Variants in FAM107B observed in about 807,000 individuals in gnomAD.
FAM107B encodes family with sequence similarity 107 member B.
A neutral mutation model predicts 31.5 loss-of-function variants in FAM107B; 21 were observed. The observed-to-expected ratio is 0.67, with a 90% CI of 0.47 to 0.96. The LOEUF is 0.96. FAM107B is among the 40% of genes least tolerant of loss of function. The pLI, the probability that FAM107B is intolerant of heterozygous loss-of-function variation, is 0.00. For synonymous variants in FAM107B, 157 were observed against 141.5 expected, an observed-to-expected ratio of 1.11 and a Z score of -0.78; for missense variants, 452 against 377.1, an observed-to-expected ratio of 1.20 and a Z score of -1.64.
chr10:14,603,367 G>A (rs1852467834), intron 2 of FAM107B, among the ~76,000 whole-genome samples: 1 of 152,136 alleles, frequency 6.6e-6, no homozygotes, highest in Non-Finnish European at 1.5e-5. Context: ...CCCTCATTCC[G>A]TTTTTCTTTG....
At chr10:14,740,403 G>A (rs1219383127) in intron 1 of FAM107B, among the ~76,000 whole-genome samples, 1 of 152,164 alleles carries the variant, frequency 6.6e-6, no homozygotes. Flanking sequence ...GTTGGAAAAC[G>A]CAAAACTATA....
In FAM107B at chr10:14,636,365, C is replaced by T. The variant is rs188613317; in HGVS notation, c.469+31269G>A. Among the ~76,000 whole-genome samples the T allele has an allele frequency of 9.2e-5, 14 of 151,574 alleles. No individual in the cohort carries two copies. In the East Asian group the frequency reaches 2.5e-3, roughly 27 times the overall value. ...AGAGAAATGTCTACTTCTATGTGCA[C>T]ATAAAACTAAATGTATACGTTCTGC... On this transcript the variant is annotated intron_variant, in intron 2 of 4. Transcript: ENST00000181796.
intron 2 of FAM107B, among the ~76,000 whole-genome samples, chr10:14,629,945 A>C (rs1431560991): frequency 1.3e-5 from 2 of 152,194 alleles, no homozygotes; most frequent in African/African-American, 4.8e-5. Flanking sequence ...AAATCACAAA[A>C]CTGCAAACAC....
rs767032571 is a variant in FAM107B, at chr10:14,555,558, T to G, written c.470-25043A>C. 2.0e-5 allele frequency among the ~76,000 whole-genome samples: 3 copies of G among 152,202 alleles called. No individual in the cohort carries two copies. In the South Asian group the frequency reaches 6.2e-4, roughly 31 times the overall value. ...TTTAAATAAGTTGTTCCCACGCCAT[T>G]AGCAAGAAATAAATTTTGTTTTCTC... On this transcript the variant is annotated intron_variant, in intron 2 of 4. Coordinates refer to ENST00000181796, the MANE Select transcript of FAM107B (RefSeq NM_031453.4).
At chr10:14,753,578 T>C (rs896640844) in intron 1 of FAM107B, among the ~76,000 whole-genome samples, 3 of 152,222 alleles carry the variant, frequency 2.0e-5, no homozygotes, top group African/African-American at 7.2e-5. Context: ...GCTCATCTTT[T>C]TCAGTTTTCC....
At chr10:14,546,680 T>C (rs1161735581) in intron 2 of FAM107B, among the ~76,000 whole-genome samples, 1 of 152,236 alleles carries the variant, frequency 6.6e-6, no homozygotes, top group Admixed American at 6.5e-5. Context: ...TCTAAGTCCC[T>C]ACTTCCCACT....
rs987543236 is a variant in FAM107B, at chr10:14,521,046, C to G, written c.*144G>C. 2 of 685,228 alleles carry G rather than the reference C, an allele frequency of 2.9e-6. No individual in the cohort carries two copies. The highest frequency in any genetic ancestry group is 1.8e-5 in the African/African-American group (1 of 55,178). 42.4% of individuals were successfully genotyped at this position (685,228 alleles called of 1,614,324 possible). On this transcript the variant is annotated 3_prime_UTR_variant, in exon 5 of 5. Coordinates refer to ENST00000181796, the MANE Select transcript of FAM107B (RefSeq NM_031453.4). ...TCACAGGCAAGGCATCCACCCAGAT[C>G]GTAGGAAAATCAAACCAAATCCTAC...
intron 1 of FAM107B, among the ~76,000 whole-genome samples, chr10:14,709,885 C>T (rs564048680): frequency 5.5e-4 from 84 of 152,002 alleles, no homozygotes; most frequent in African/African-American, 1.9e-3. Context: ...ACTATGGAGA[C>T]AGTAAAAAGA....
intron 2 of FAM107B, among the ~76,000 whole-genome samples, chr10:14,536,519 T>C (rs539931621): frequency 1.4e-3 from 206 of 152,288 alleles, no homozygotes; most frequent in African/African-American, 4.6e-3. Flanking sequence ...AAAGCCTCTC[T>C]CTCAGCACCC....
At chr10:14,603,182 G>A (rs1193204960) in intron 2 of FAM107B, among the ~76,000 whole-genome samples, 1 of 151,958 alleles carries the variant, frequency 6.6e-6, no homozygotes, top group African/African-American at 2.4e-5. Flanking sequence ...TTTTAAACCG[G>A]AAACCAGCAG....
chr10:14,711,479 G>A (rs767499287), intron 1 of FAM107B, among the ~76,000 whole-genome samples: 9 of 152,136 alleles, frequency 5.9e-5, no homozygotes, highest in Non-Finnish European at 1.2e-4. Context: ...ACAGTATCCA[G>A]TACAGTCACA....
intron 2 of FAM107B, among the ~76,000 whole-genome samples, chr10:14,605,014 G>T (rs1186859530): frequency 6.6e-6 from 1 of 152,000 alleles, no homozygotes; most frequent in South Asian, 2.1e-4. Context: ...CCGTCTCCCC[G>T]GCAAGTCTGC....
chr10:14,720,762 A>C (rs984031707), intron 1 of FAM107B, among the ~76,000 whole-genome samples: 1 of 152,210 alleles, frequency 6.6e-6, no homozygotes, highest in Middle Eastern at 3.2e-3. Context: ...AGGACCTAGA[A>C]TTCATTGAAA....
intron 1 of FAM107B, among the ~76,000 whole-genome samples, chr10:14,682,711 G>T (rs943121091): frequency 2.6e-5 from 4 of 151,974 alleles, no homozygotes; most frequent in Admixed American, 2.0e-4. Context: ...TGGACACAGG[G>T]AGGGGAACAT....
At chr10:14,603,194 G>T (rs1232767556) in intron 2 of FAM107B, among the ~76,000 whole-genome samples, 1 of 151,948 alleles carries the variant, frequency 6.6e-6, no homozygotes, top group Non-Finnish European at 1.5e-5. Flanking sequence ...AACCAGCAGC[G>T]CTAAGAAATC....
intron 2 of FAM107B, among the ~76,000 whole-genome samples, chr10:14,581,151 G>C (rs1851622382): frequency 6.6e-6 from 1 of 152,220 alleles, no homozygotes; most frequent in Admixed American, 6.5e-5. Context: ...AATCGGTCTG[G>C]TGCAGTGCTC....
At chr10:14,539,282 T>C (rs950628063) in intron 2 of FAM107B, among the ~76,000 whole-genome samples, 3 of 152,076 alleles carry the variant, frequency 2.0e-5, no homozygotes, top group Admixed American at 6.6e-5. Flanking sequence ...TGTGCCAAAG[T>C]TGGGTACCCA....
In FAM107B at chr10:14,694,844, A is replaced by G. The variant is rs189670356; in HGVS notation, c.412-27153T>C. Reference sequence around the variant, plus strand: ...AGGTCTTTTGACCATTTTTTAAATCAGGTTATTTATTTTTCTTTTATTGAG... The same window carrying G: ...AGGTCTTTTGACCATTTTTTAAATCGGGTTATTTATTTTTCTTTTATTGAG... On this transcript the variant is annotated intron_variant, in intron 1 of 4. Transcript: ENST00000181796. Among the ~76,000 whole-genome samples, 5 of 152,228 alleles carry G rather than the reference A, an allele frequency of 3.3e-5. No individual in the cohort carries two copies. In the East Asian group the frequency reaches 9.6e-4, roughly 29 times the overall value.
chr10:14,540,178 C>T (rs1848037474), intron 2 of FAM107B, among the ~76,000 whole-genome samples: 1 of 152,172 alleles, frequency 6.6e-6, no homozygotes, highest in African/African-American at 2.4e-5. Context: ...GAGAACTATT[C>T]CAGAGAAATT....
Sources: gnomAD v4.1 joint callset for allele counts (sites outside exome capture counted in the v4.1 genomes callset) on GRCh38, gnomAD v4.1.1 for gene constraint, MANE v1.5 for transcripts, NCBI Gene and HGNC (gene_info 2026-07-23, HGNC 2026-07-21) for gene names.